Variants in COL25A1 observed in about 807,000 individuals in gnomAD.
The protein encoded by COL25A1 is collagen type XXV alpha 1 chain, also known as collagen alpha-1(XXV) chain.
A neutral mutation model predicts 128.4 loss-of-function variants in COL25A1; 103 were observed. That is an observed-to-expected ratio of 0.80 (90% CI 0.68 to 0.94). COL25A1 has a LOEUF of 0.94. Ranked by LOEUF, COL25A1 falls within the 40% of genes least tolerant of loss-of-function variation. The pLI, the probability that COL25A1 is intolerant of heterozygous loss-of-function variation, is 0.00. For synonymous variants in COL25A1, 279 were observed against 277.2 expected (o/e 1.01, Z -0.06); for missense variants, 745 against 840.0 (o/e 0.89, Z 1.40).
At chr4:108,962,085 G>C (rs1034998362) in intron 8 of COL25A1, among the ~76,000 whole-genome samples, 1 of 151,844 alleles carries the variant, frequency 6.6e-6, no homozygotes, top group African/African-American at 2.4e-5. Flanking sequence ...GCCATTTCCC[G>C]TTGCATCCCA....
intron 30 of COL25A1, among the ~76,000 whole-genome samples, chr4:108,843,886 TTAC>T (rs1734760399): frequency 9.3e-6 from 1 of 107,184 alleles, no homozygotes; most frequent in Middle Eastern, 5.1e-3. Flanking sequence ...ATGGCTATTA[TTAC>T]TATTATTATT....
intron 3 of COL25A1, among the ~76,000 whole-genome samples, chr4:109,089,120 A>G (rs899878558): frequency 6.6e-6 from 1 of 152,216 alleles, no homozygotes; most frequent in African/African-American, 2.4e-5. Flanking sequence ...GAGTAGTTCA[A>G]GGAAATATTA....
At chr4:108,988,678 A>G (rs550669055) in intron 6 of COL25A1, among the ~76,000 whole-genome samples, 115 of 152,350 alleles carry the variant, frequency 7.5e-4, no homozygotes, top group South Asian at 1.9e-3. Context: ...CACATTTTCA[A>G]TAACGAGTCA....
chr4:108,992,835 T>G (rs548830619), intron 6 of COL25A1, among the ~76,000 whole-genome samples: 469 of 5,876 alleles, frequency 0.08, no homozygotes, highest in Non-Finnish European at 0.19. Flanking sequence ...TTTGTTTTGT[T>G]TTTTTTTTGT....
intron 26 of COL25A1, among the ~76,000 whole-genome samples, chr4:108,849,946 C>T (rs1395738499): frequency 1.3e-5 from 2 of 151,994 alleles, no homozygotes; most frequent in African/African-American, 4.8e-5. Flanking sequence ...AGAAAAGCGG[C>T]GGGGGAAGGG....
chr4:109,232,543 T>A (rs940163921), intron 3 of COL25A1, among the ~76,000 whole-genome samples: 1 of 152,176 alleles, frequency 6.6e-6, no homozygotes, highest in Non-Finnish European at 1.5e-5. Context: ...CAAGAAAGAC[T>A]TGATCAAGAA....
intron 5 of COL25A1, among the ~76,000 whole-genome samples, chr4:109,046,386 T>G (rs1289552771): frequency 1.3e-5 from 2 of 152,142 alleles, no homozygotes; most frequent in Non-Finnish European, 2.9e-5. Context: ...TTTCGAGGAA[T>G]CAAAGAGGAA....
At position 109,072,884 on chromosome 4, in the gene COL25A1, G is replaced by A. The variant is rs565713396; in HGVS notation, c.368-22705C>T. Among the ~76,000 whole-genome samples the A allele has an allele frequency of 4.4e-4, 67 of 152,126 alleles. 2 individuals are homozygous for A. The South Asian group carries it at 8.5e-3, about 19-fold the overall frequency. Reference sequence around the variant, plus strand: ...CCCACATAAAACTTTATACTGCTCCGCACCACCCCATTCCAACCTCCAACA... The same window carrying A: ...CCCACATAAAACTTTATACTGCTCCACACCACCCCATTCCAACCTCCAACA... On this transcript the variant is annotated intron_variant, in intron 3 of 37. Coordinates refer to ENST00000399132, the MANE Select transcript of COL25A1 (RefSeq NM_198721.4).
Position 108,846,187 on chromosome 4 carries a change from G to T in COL25A1, c.1467C>A (p.Asp489Glu). ...CTCCTTTTTCACCTGTCATACCTGGGTCCCCCATGTCTCCCTTTGAGCCTT... is the reference window on the plus strand; with the variant it reads ...CTCCTTTTTCACCTGTCATACCTGGTTCCCCCATGTCTCCCTTTGAGCCTT... ...GLKGSKGDMG[D>E]PGMTGEKGGI... Residue 489 changes from aspartate to glutamate, a missense_variant, in exon 28 of 38, where the codon GAC becomes GAA. This residue lies in a region of COL25A1 where 387 missense variants were observed against 441.9 expected (regional missense o/e 0.88). Coordinates refer to ENST00000399132, the MANE Select transcript of COL25A1 (RefSeq NM_198721.4). 6 of 1,613,026 alleles carry T rather than the reference G, an allele frequency of 3.7e-6. No individual in the cohort carries two copies. The highest frequency in any genetic ancestry group is 5.1e-6 in the Non-Finnish European group (6 of 1,179,104).
intron 3 of COL25A1, among the ~76,000 whole-genome samples, chr4:109,236,922 C>CA: frequency 6.6e-6 from 1 of 150,976 alleles, no homozygotes; most frequent in Non-Finnish European, 1.5e-5. Context: ...TTTAAGTGTA[C>CA]AAAAAAAATT....
chr4:109,033,673 T>C (rs1007622024), intron 5 of COL25A1, among the ~76,000 whole-genome samples: 2 of 152,086 alleles, frequency 1.3e-5, no homozygotes, highest in African/African-American at 2.4e-5. Context: ...GAAGAGCACA[T>C]AGCAGGTAAA....
At chr4:108,935,314 GA>G (rs1747269496) in intron 11 of COL25A1, among the ~76,000 whole-genome samples, 1 of 152,170 alleles carries the variant, frequency 6.6e-6, no homozygotes, top group Non-Finnish European at 1.5e-5. Flanking sequence ...CTACCTCTGG[GA>G]TGGCAACTGG....
chr4:109,053,200 A>C (rs1560603462), intron 3 of COL25A1, among the ~76,000 whole-genome samples: 1 of 152,228 alleles, frequency 6.6e-6, no homozygotes, highest in Non-Finnish European at 1.5e-5. Flanking sequence ...GACAATTGGT[A>C]CTATTCATGC....
intron 3 of COL25A1, among the ~76,000 whole-genome samples, chr4:109,297,359 T>C (rs1725073201): frequency 6.6e-6 from 1 of 152,154 alleles, no homozygotes; most frequent in Non-Finnish European, 1.5e-5. Context: ...ATTAAGCTAC[T>C]TCTTTTTGTA....
At chr4:108,955,092 T>TA (rs1362867564) in intron 8 of COL25A1, among the ~76,000 whole-genome samples, 1 of 152,070 alleles carries the variant, frequency 6.6e-6, no homozygotes, top group Non-Finnish European at 1.5e-5. Flanking sequence ...CATATGTGGT[T>TA]AAAAAATTAC....
intron 8 of COL25A1, among the ~76,000 whole-genome samples, chr4:108,965,286 A>G (rs1294441921): frequency 6.6e-6 from 1 of 152,152 alleles, no homozygotes; most frequent in African/African-American, 2.4e-5. Context: ...AAACTGTGAG[A>G]GCTTAGGACT....
intron 3 of COL25A1, among the ~76,000 whole-genome samples, chr4:109,155,910 G>A (rs561252440): frequency 6.6e-6 from 1 of 152,302 alleles, no homozygotes; most frequent in Admixed American, 6.5e-5. Flanking sequence ...GAAGTAAGGT[G>A]CTTAAGGAAA....
intron 26 of COL25A1, 36 bp downstream of exon 26, chr4:108,852,200 T>G: frequency 6.5e-7 from 1 of 1,536,180 alleles, no homozygotes; most frequent in Non-Finnish European, 9.0e-7. Context: ...CCCTGCACTG[T>G]ATGTGATAAA....
At chr4:108,966,058 G>A (rs1343547359) in intron 8 of COL25A1, among the ~76,000 whole-genome samples, 2 of 152,176 alleles carry the variant, frequency 1.3e-5, no homozygotes. Flanking sequence ...GAGTTGAGAA[G>A]TAAAATCTGT....
Sources: allele counts gnomAD v4.1 joint callset (sites outside exome capture counted in the v4.1 genomes callset), GRCh38; gene constraint gnomAD v4.1.1; regional missense constraint gnomAD v4.1.1; transcripts MANE v1.5; gene names NCBI Gene and HGNC (gene_info 2026-07-23, HGNC 2026-07-21).